The following ZNF18 variants were observed in gnomAD, a reference collection of about 807,000 sequenced individuals.
ZNF18 encodes the protein zinc finger protein 18.
Under a neutral mutation model 58.1 loss-of-function variants are expected in ZNF18, and 42 were observed. The observed-to-expected ratio is 0.72, with a 90% confidence interval of 0.56 to 0.93. The LOEUF (loss-of-function observed/expected upper bound fraction) is 0.93, where lower values mean the gene tolerates loss of function less well. Ranked by LOEUF, ZNF18 falls within the 40% of genes least tolerant of loss-of-function variation. ZNF18 has a pLI of 0.00. For synonymous variants in ZNF18, 231 were observed against 239.8 expected, an observed-to-expected ratio of 0.96 and a Z score of 0.34; for missense variants, 540 against 644.2, an observed-to-expected ratio of 0.84 and a Z score of 1.75.
chr17:12,009,494 C>T, the ZNF18 span, among the ~76,000 whole-genome samples: 2 of 150,894 alleles, frequency 1.3e-5, no homozygotes, highest in African/African-American at 2.4e-5. Flanking sequence ...GCTCTGTCAC[C>T]CAGGCTGGAG....
intron 1 of ZNF18, among the ~76,000 whole-genome samples, chr17:11,994,412 A>T (rs1048792860): frequency 3.3e-5 from 5 of 152,250 alleles, no homozygotes; most frequent in Admixed American, 2.0e-4. Context: ...CACAGTAGAA[A>T]ATCCATATAT....
chr17:12,017,361 G>A, the ZNF18 span, among the ~76,000 whole-genome samples: 2 of 152,296 alleles, frequency 1.3e-5, no homozygotes, highest in South Asian at 4.1e-4. Flanking sequence ...TCTGCCTGAA[G>A]AGGCAACATC....
upstream of ZNF18, among the ~76,000 whole-genome samples, chr17:12,001,908 T>C (rs538512508): frequency 6.6e-6 from 1 of 151,798 alleles, no homozygotes; most frequent in African/African-American, 2.4e-5. Context: ...CACTCCAAAA[T>C]TCAGAGATAA....
Position 11,990,525 on chromosome 17 carries a change from T to A in ZNF18, c.603A>T (p.Arg201=). Residue 201 remains arginine, a synonymous_variant, in exon 4 of 7, where the codon CGA becomes CGT. Coordinates refer to ENST00000580306, the MANE Select transcript of ZNF18 (RefSeq NM_001303281.2). ...GGTCTCTGATCAGCCTTTCCTCCAG[T>A]CGGGCAGGCTGGGAGGCAGCCAGGG... The part of the protein sequence containing the change: ...ELALAASQPA[R]LEERLIRDQD... The A allele has an allele frequency of 6.2e-7, 1 of 1,611,594 alleles. No individual in the cohort carries two copies. The highest frequency in any genetic ancestry group is 8.5e-7 in the Non-Finnish European group (1 of 1,179,386).
chr17:12,006,642 T>C, the ZNF18 span, among the ~76,000 whole-genome samples: 1 of 152,134 alleles, frequency 6.6e-6, no homozygotes, highest in South Asian at 2.1e-4. Context: ...ACCCTGCTAC[T>C]TGGGAGGCTG....
chr17:11,978,043 A>G lies in ZNF18; in HGVS notation c.1564T>C (p.Cys522Arg), dbSNP rs1175748186. 1 of 1,613,002 alleles carries G rather than the reference A, an allele frequency of 6.2e-7. No homozygotes were observed. The highest frequency in any genetic ancestry group is 1.1e-5 in the South Asian group (1 of 90,990). The change falls in exon 7 of 7, where the codon TGT (cysteine) becomes CGT (arginine). Residue 522 changes from cysteine (C) to arginine (R), a missense_variant. Transcript: ENST00000580306. Reference sequence around the variant, plus strand: ...CTGAAACTTTTCCCACAGTGCGAACATTTATAAGGTTTCTCTCCAGTGTGA... The same window carrying G: ...CTGAAACTTTTCCCACAGTGCGAACGTTTATAAGGTTTCTCTCCAGTGTGA... Reference protein sequence around the residue: ...RVHTGEKPYKCSHCGKSFSWS... With the variant: ...RVHTGEKPYKRSHCGKSFSWS...
chr17:11,993,816 T>C (rs1597980007), intron 1 of ZNF18, among the ~76,000 whole-genome samples: 5 of 66,656 alleles, frequency 7.5e-5, no homozygotes, highest in South Asian at 6.4e-4. Flanking sequence ...AGAGAGAGAC[T>C]CCGTCTCACA....
At chr17:12,020,704 C>G in the ZNF18 span, 1 of 362,944 alleles carries the variant, frequency 2.8e-6, no homozygotes, top group Non-Finnish European at 4.9e-6. Context: ...CCGGGCGGTT[C>G]TGCAGCTCAG....
At chr17:12,000,818 CA>C (rs1567613125), upstream of ZNF18, among the ~76,000 whole-genome samples, 1 of 152,166 alleles carries the variant, frequency 6.6e-6, no homozygotes, top group Non-Finnish European at 1.5e-5. Context: ...AGTATAAAAT[CA>C]CTGGTGACCT....
the ZNF18 span, chr17:12,011,070 A>C: frequency 2.7e-6 from 2 of 731,934 alleles, no homozygotes; most frequent in Non-Finnish European, 5.0e-6. Flanking sequence ...CCTGTGGGGC[A>C]TTCCTTTTTG....
chr17:11,980,517 T>C (rs1317393569), intron 6 of ZNF18, among the ~76,000 whole-genome samples: 1 of 151,968 alleles, frequency 6.6e-6, no homozygotes. Flanking sequence ...GCCTCCCAGG[T>C]TCAAGCGATT....
upstream of ZNF18, among the ~76,000 whole-genome samples, chr17:12,001,023 G>A (rs1480000135): frequency 1.3e-5 from 2 of 152,162 alleles, no homozygotes; most frequent in African/African-American, 4.8e-5. Flanking sequence ...GATCCAGTAG[G>A]GAGGAAAAAT....
intron 1 of ZNF18, among the ~76,000 whole-genome samples, chr17:11,995,887 A>C (rs7208602): frequency 0.87 from 132,556 of 152,086 alleles, 60,515 homozygotes; most frequent in Non-Finnish European, 1. Flanking sequence ...AATATTACGC[A>C]AAGTGGTATT....
the ZNF18 span, among the ~76,000 whole-genome samples, chr17:12,013,754 C>T: frequency 1.9e-3 from 292 of 152,260 alleles, 1 homozygote; most frequent in African/African-American, 6.7e-3. Flanking sequence ...ATTCTAAAAA[C>T]AGAGAATTTC....
intron 3 of ZNF18, among the ~76,000 whole-genome samples, 175 bp downstream of exon 3, chr17:11,990,799 A>G (rs1259449629): frequency 3.3e-5 from 5 of 152,174 alleles, no homozygotes; most frequent in Admixed American, 3.3e-4. Context: ...GTCATAAAGC[A>G]GTTTAAAACA....
At chr17:12,014,862 A>G in the ZNF18 span, among the ~76,000 whole-genome samples, 1 of 152,170 alleles carries the variant, frequency 6.6e-6, no homozygotes, top group Non-Finnish European at 1.5e-5. Flanking sequence ...CATCCTGGCT[A>G]ACACGGTGAA....
chr17:11,984,964 A>G (rs1967640613), intron 4 of ZNF18, among the ~76,000 whole-genome samples: 1 of 152,234 alleles, frequency 6.6e-6, no homozygotes, highest in South Asian at 2.1e-4. Flanking sequence ...TTGGAAAAGC[A>G]AGTGCGAATC....
the ZNF18 span, chr17:12,021,173 G>T: frequency 2.8e-6 from 1 of 360,992 alleles, no homozygotes; most frequent in Non-Finnish European, 4.8e-6. Flanking sequence ...CTCCGGCCCG[G>T]CTTGGATCCG....
chr17:11,990,315 A>G (rs999403184), intron 4 of ZNF18, 147 bp downstream of exon 4: 5 of 596,726 alleles, frequency 8.4e-6, no homozygotes, highest in Non-Finnish European at 1.4e-5. Context: ...TATTTTTACA[A>G]AACTCTAGAA....
Sources: allele counts gnomAD v4.1 joint callset (sites outside exome capture counted in the v4.1 genomes callset), GRCh38; gene constraint gnomAD v4.1.1; transcripts MANE v1.5; gene names NCBI Gene and HGNC (gene_info 2026-07-23, HGNC 2026-07-21).